TUBGCP5: variants seen among roughly 807,000 people sequenced by gnomAD.
The protein encoded by TUBGCP5 is tubulin gamma complex component 5, also known as gamma-tubulin complex component 5.
Under a neutral mutation model 134.7 loss-of-function variants are expected in TUBGCP5, and 98 were observed. The ratio of observed to expected loss-of-function variants is 0.73; its 90% confidence interval spans 0.62 to 0.86. The LOEUF is 0.86. Among genes scored for constraint, TUBGCP5 ranks in the 40% least tolerant of loss-of-function variants. The pLI is 0.00. For missense variants in TUBGCP5, 1,150 were observed against 1,244.8 expected (o/e 0.92, Z 1.15); for synonymous variants, 456 against 431.4 (o/e 1.06, Z -0.71).
Position 23,019,260 on chromosome 15 carries a change from G to A in TUBGCP5, c.1446C>T (p.His482=), listed in dbSNP as rs142094970. Residue 482 remains histidine (H), a synonymous_variant, in exon 12 of 23, where the codon CAC becomes CAT. Coordinates refer to ENST00000615383, the MANE Select transcript of TUBGCP5 (RefSeq NM_052903.6). ...YLQTVDEWIV[H]GHLWDGAREF... is the part of the protein sequence containing the mutation. ...CCCTGGCGCCATCCCACAGGTGCCC[G>A]TGCACGATCCACTCGTCCACCGTCT... 0.019 allele frequency: 31,194 copies of A among 1,613,922 alleles called. 473 individuals carry two copies. The highest frequency in any genetic ancestry group is 0.05 in the Middle Eastern group (301 of 6,062).
chr15:23,012,037 G>C lies in TUBGCP5; in HGVS notation c.1757-706C>G, dbSNP rs140270000. Among the ~76,000 whole-genome samples the C allele has an allele frequency of 6.2e-3, 929 of 150,644 alleles. 6 individuals carry two copies. Among genetic ancestry groups the C allele is most frequent in the Non-Finnish European group, 0.011 (722 of 67,764 alleles). ...AGGCACGAGAACTGCGTGAGCACTG[G>C]CAGGTGAAGGTTGCAATGCGCTGAG... On this transcript the variant is annotated intron_variant, in intron 13 of 22. Coordinates refer to ENST00000615383, the MANE Select transcript of TUBGCP5 (RefSeq NM_052903.6).
Position 23,008,858 on chromosome 15 carries a change from A to G in TUBGCP5, c.2168T>C (p.Met723Thr). ...DYRLVEYLQA[M>T]RNFFLMEGGD... The stretch of plus-strand genomic sequence containing the variant: ...TCCTTCCATTAAGAAAAAATTCCTC[A>G]TAGCTTGCAAGTATTCTACCAACCT... The change falls in exon 16 of 23, where the codon ATG becomes ACG. Residue 723 changes from methionine (M) to threonine (T), a missense_variant. Physicochemically the swap from Met to Thr is moderately conservative, Grantham distance 81. Around this residue, in one of 2 missense-constraint regions of TUBGCP5, gnomAD observed 697 missense variants for 850.1 expected, o/e 0.82. Coordinates refer to ENST00000615383, the MANE Select transcript of TUBGCP5 (RefSeq NM_052903.6). 6.3e-7 allele frequency: 1 copy of G among 1,576,336 alleles called. No individual in the cohort carries two copies. Among genetic ancestry groups the G allele is most frequent in the Non-Finnish European group, 8.6e-7 (1 of 1,168,608 alleles).
intron 5 of TUBGCP5, among the ~76,000 whole-genome samples, chr15:23,031,348 G>A (rs1224565907): frequency 1.3e-5 from 2 of 149,750 alleles, no homozygotes; most frequent in Non-Finnish European, 1.5e-5. Flanking sequence ...AGAGTCTCTC[G>A]CTTTGTCATC....
Position 23,027,306 on chromosome 15 carries a change from T to G in TUBGCP5, c.623A>C (p.Asp208Ala), listed in dbSNP as rs746216761. ...RKLDPCISWK[D>A]EPDDRSWLEH... is the part of the protein sequence containing the mutation. Reference sequence around the variant, plus strand: ...CAGCCAGCTTCGGTCATCTGGCTCATCTGCTTGAAAGAAATGTAATCAGTT... The same window carrying G: ...CAGCCAGCTTCGGTCATCTGGCTCAGCTGCTTGAAAGAAATGTAATCAGTT... The change falls in exon 7 of 23, where the codon GAT (aspartate) becomes GCT (alanine). Residue 208 changes from aspartate to alanine, a missense_variant and splice_region_variant. Asp to Ala is a moderately radical substitution (Grantham distance 126). Around this residue, in one of 2 missense-constraint regions of TUBGCP5, gnomAD observed 453 missense variants for 394.7 expected, o/e 1.15. Coordinates refer to ENST00000615383, the MANE Select transcript of TUBGCP5 (RefSeq NM_052903.6). 6.2e-7 allele frequency: 1 copy of G among 1,613,186 alleles called. No homozygotes were observed. Among genetic ancestry groups the G allele is most frequent in the South Asian group, 1.1e-5 (1 of 90,910 alleles).
intron 3 of TUBGCP5, among the ~76,000 whole-genome samples, chr15:23,033,156 T>C (rs1209943777): frequency 2.6e-5 from 4 of 152,202 alleles, no homozygotes; most frequent in African/African-American, 9.6e-5. Flanking sequence ...GCAATATGTA[T>C]CATGAAGGTT....
intron 23 of TUBGCP5, among the ~76,000 whole-genome samples, chr15:22,986,232 G>A (rs564264497): frequency 5.3e-5 from 8 of 151,946 alleles, no homozygotes; most frequent in African/African-American, 1.9e-4. Flanking sequence ...TGTACTCTTA[G>A]TGGGCATGTA....
At position 23,023,948 on chromosome 15, in the gene TUBGCP5, A is replaced by T; in HGVS notation, c.1167T>A (p.Asn389Lys). The T allele has an allele frequency of 6.2e-7, 1 of 1,613,776 alleles. No homozygotes were observed. Among genetic ancestry groups the T allele is most frequent in the Non-Finnish European group, 8.5e-7 (1 of 1,179,838 alleles). Residue 389 changes from asparagine to lysine, a missense_variant and splice_region_variant, in exon 10 of 23, where the codon AAT (asparagine) becomes AAA (lysine). Transcript: ENST00000615383. ...LAEIEKCIIN[N>K]DTTITLAIVV... is the part of the protein sequence containing the mutation. ...GTAAAGATGAAGAACATTTAATACC[A>T]TTATTGATGATGCACTTCTCAATTT...
chr15:23,004,513 C>T (rs923325832), intron 19 of TUBGCP5: 7 of 376,978 alleles, frequency 1.9e-5, no homozygotes, highest in African/African-American at 1.3e-4. Context: ...GGGGCAAGCA[C>T]ATTAAGCTGT....
chr15:22,995,699 A>G (rs1473153917), downstream of TUBGCP5, among the ~76,000 whole-genome samples: 3 of 152,138 alleles, frequency 2.0e-5, no homozygotes, highest in Non-Finnish European at 4.4e-5. Flanking sequence ...ATACAATTCA[A>G]TGAGTTTTGT....
At chr15:22,997,946 T>C, downstream of TUBGCP5, among the ~76,000 whole-genome samples, 1 of 151,560 alleles carries the variant, frequency 6.6e-6, no homozygotes, top group East Asian at 1.9e-4. Context: ...TCTCACTCTA[T>C]AAAAAGAAAA....
Position 23,017,907 on chromosome 15 carries a change from G to C in TUBGCP5, c.1622C>G (p.Pro541Arg). Residue 541 changes from proline (P) to arginine (R), a missense_variant, in exon 13 of 23, where the codon CCC becomes CGC. Physicochemically the swap from Pro to Arg is moderately radical, Grantham distance 103. Transcript: ENST00000615383. Reference protein sequence around the residue: ...ASASSGSDQGPSSRQHTMVSF... With the variant: ...ASASSGSDQGRSSRQHTMVSF... ...CACCATGGTGTGCTGCCTGCTGGAG[G>C]GCCCCTGGTCACTGCCGGAACTCGC... is the stretch of plus-strand genomic sequence containing the variant. The C allele has an allele frequency of 1.2e-6, 2 of 1,614,136 alleles. No individual in the cohort carries two copies. The highest frequency in any genetic ancestry group is 1.7e-6 in the Non-Finnish European group (2 of 1,180,008).
At chr15:23,039,171 C>G (rs2066768757) in intron 1 of TUBGCP5, among the ~76,000 whole-genome samples, 1 of 151,982 alleles carries the variant, frequency 6.6e-6, no homozygotes, top group Non-Finnish European at 1.5e-5. Flanking sequence ...TTCCCCGTGA[C>G]GATCAGGACG....
chr15:23,039,536 C>G lies in TUBGCP5; in HGVS notation c.8G>C (p.Arg3Pro), dbSNP rs749324731. Residue 3 changes from arginine to proline, a missense_variant, in exon 1 of 23, where the codon CGG becomes CCG. Physicochemically the swap from Arg to Pro is moderately radical, Grantham distance 103. This residue lies in a region of TUBGCP5 where 453 missense variants were observed against 394.7 expected (regional missense o/e 1.15). Transcript: ENST00000615383. ...CAACCGACTCCACGGTGGCCCGTGC[C>G]GCGCCATGTTCCGCGCTCCTGCAGC... is the stretch of plus-strand genomic sequence containing the variant. MA[R>P]HGPPWSRLDA... 14 of 1,472,458 alleles carry G rather than the reference C, an allele frequency of 9.5e-6. No homozygotes were observed. The highest frequency in any genetic ancestry group is 4.0e-5 in the South Asian group (3 of 75,588). 91.2% of individuals were successfully genotyped at this position (1,472,458 alleles called of 1,614,324 possible).
chr15:23,030,504 C>T (rs1045698500), intron 6 of TUBGCP5, among the ~76,000 whole-genome samples: 1 of 149,474 alleles, frequency 6.7e-6, no homozygotes, highest in Non-Finnish European at 1.5e-5. Context: ...CTCCCTTATA[C>T]TTTTTTATTT....
intron 13 of TUBGCP5, among the ~76,000 whole-genome samples, chr15:23,014,391 A>C (rs1437531102): frequency 6.6e-6 from 1 of 152,196 alleles, no homozygotes; most frequent in Admixed American, 6.5e-5. Context: ...TCACAGGCCA[A>C]CAGAGCGGCC....
At chr15:23,027,088 A>T (rs2066023766) in intron 7 of TUBGCP5, 104 bp downstream of exon 7, 2 of 901,686 alleles carry the variant, frequency 2.2e-6, no homozygotes, top group Admixed American at 2.7e-5. Context: ...AAACAAAAAC[A>T]AGTTTAAATT....
intron 13 of TUBGCP5, among the ~76,000 whole-genome samples, chr15:23,011,852 A>C (rs2065051353): frequency 6.7e-6 from 1 of 148,808 alleles, no homozygotes. Flanking sequence ...GCAGTGGCTC[A>C]TGCCTGTAAT....
chr15:23,018,801 A>G (rs1256543260), intron 12 of TUBGCP5, among the ~76,000 whole-genome samples: 1 of 152,202 alleles, frequency 6.6e-6, no homozygotes, highest in Non-Finnish European at 1.5e-5. Context: ...ACTAAGGTAA[A>G]AGAAATCAGT....
intron 5 of TUBGCP5, among the ~76,000 whole-genome samples, chr15:23,031,498 A>C (rs1204711913): frequency 6.6e-6 from 1 of 152,034 alleles, no homozygotes; most frequent in East Asian, 1.9e-4. Flanking sequence ...TTGTATTCTT[A>C]GTTGACGGGG....
Sources: allele counts gnomAD v4.1 joint callset (sites outside exome capture counted in the v4.1 genomes callset), GRCh38; gene constraint gnomAD v4.1.1; regional missense constraint gnomAD v4.1.1; transcripts MANE v1.5; gene names NCBI Gene and HGNC (gene_info 2026-07-23, HGNC 2026-07-21).